Variants in PTH2R observed in about 807,000 individuals in gnomAD.
PTH2R encodes parathyroid hormone 2 receptor, also known as PTH2 receptor.
A neutral mutation model predicts 60.3 loss-of-function variants in PTH2R; 59 were observed. The observed-to-expected ratio is 0.98, with a 90% CI of 0.79 to 1.22. PTH2R has a LOEUF of 1.22. Among genes scored for constraint, PTH2R ranks in the 50% most tolerant of loss-of-function variants. The probability of loss-of-function intolerance (pLI) is 0.00; values close to 1 mark genes in which losing one functional copy is unlikely to be tolerated. For missense variants in PTH2R, 749 were observed against 682.6 expected, an observed-to-expected ratio of 1.10 and a Z score of -1.08; for synonymous variants, 256 against 243.8, an observed-to-expected ratio of 1.05 and a Z score of -0.47.
intron 4 of PTH2R, among the ~76,000 whole-genome samples, chr2:208,441,295 T>C (rs1037729571): frequency 5.3e-5 from 8 of 152,232 alleles, no homozygotes; most frequent in Non-Finnish European, 8.8e-5. Flanking sequence ...TGGAAGAGTC[T>C]GAAGTGCAGG....
intron 9 of PTH2R, among the ~76,000 whole-genome samples, chr2:208,467,771 A>G (rs546331891): frequency 2.0e-4 from 31 of 152,324 alleles, no homozygotes; most frequent in African/African-American, 7.0e-4. Flanking sequence ...TAGCATTTCA[A>G]AAAGATGGTT....
chr2:208,366,120 A>G (rs1197639471), intron 1 of PTH2R, among the ~76,000 whole-genome samples: 1 of 150,304 alleles, frequency 6.7e-6, no homozygotes, highest in East Asian at 1.9e-4. Context: ...ACGTCTGGCC[A>G]GTGTTAATTC....
chr2:208,422,076 G>T (rs895471878), intron 1 of PTH2R, among the ~76,000 whole-genome samples: 1 of 152,208 alleles, frequency 6.6e-6, no homozygotes, highest in African/African-American at 2.4e-5. Context: ...GTCCAAGTCT[G>T]AAGGTCGGAG....
At chr2:208,486,257 A>G (rs1317886488) in intron 10 of PTH2R, among the ~76,000 whole-genome samples, 1 of 152,252 alleles carries the variant, frequency 6.6e-6, no homozygotes, top group Non-Finnish European at 1.5e-5. Context: ...GAATATAATT[A>G]CTACCTGTTT....
intron 1 of PTH2R, among the ~76,000 whole-genome samples, chr2:208,419,099 A>G (rs1701700006): frequency 1.3e-5 from 2 of 152,184 alleles, no homozygotes; most frequent in Admixed American, 1.3e-4. Flanking sequence ...TCGCCATACC[A>G]ACTTCCACAA....
chr2:208,465,148 G>A (rs1181717479), intron 9 of PTH2R, among the ~76,000 whole-genome samples: 1 of 148,914 alleles, frequency 6.7e-6, no homozygotes, highest in East Asian at 2.1e-4. Flanking sequence ...GCTAATTTTT[G>A]TATTTTTTGT....
chr2:208,415,481 T>A (rs1288157120), intron 1 of PTH2R, among the ~76,000 whole-genome samples: 1 of 152,224 alleles, frequency 6.6e-6, no homozygotes, highest in African/African-American at 2.4e-5. Flanking sequence ...GTGCTACATG[T>A]ATTGCTCTAC....
At chr2:208,411,529 C>A (rs935720433) in intron 1 of PTH2R, among the ~76,000 whole-genome samples, 1 of 152,150 alleles carries the variant, frequency 6.6e-6, no homozygotes, top group South Asian at 2.1e-4. Context: ...CTCTTCCTTG[C>A]CAATGCACAG....
chr2:208,460,943 G>A (rs1702621318), intron 9 of PTH2R, among the ~76,000 whole-genome samples: 1 of 151,990 alleles, frequency 6.6e-6, no homozygotes. Flanking sequence ...TTTGTCAGAA[G>A]GGCAGCTATT....
At chr2:208,423,190 T>C (rs1267583210) in intron 1 of PTH2R, among the ~76,000 whole-genome samples, 1 of 152,142 alleles carries the variant, frequency 6.6e-6, no homozygotes, top group African/African-American at 2.4e-5. Flanking sequence ...ATATTACTGA[T>C]GCAAAACTTT....
chr2:208,484,243 C>T (rs1012493594), intron 10 of PTH2R, among the ~76,000 whole-genome samples: 3 of 152,182 alleles, frequency 2.0e-5, no homozygotes, highest in African/African-American at 7.2e-5. Flanking sequence ...TGTGCTCACA[C>T]ACAAATAAGA....
At chr2:208,359,911 G>C (rs111570434) in exon 1 of PTH2R, 12 of 224,282 alleles carry the variant, frequency 5.4e-5, no homozygotes, top group East Asian at 1.3e-4. Context: ...CAGGGAGACC[G>C]GGAGGTGGCA....
chr2:208,489,661 T>C (rs978365416), intron 11 of PTH2R, among the ~76,000 whole-genome samples: 8 of 152,184 alleles, frequency 5.3e-5, no homozygotes, highest in Non-Finnish European at 1.0e-4. Context: ...CTGGAGAATC[T>C]TAAGAATATA....
intron 9 of PTH2R, among the ~76,000 whole-genome samples, chr2:208,480,715 T>A (rs1703127301): frequency 6.6e-6 from 1 of 152,224 alleles, no homozygotes; most frequent in Non-Finnish European, 1.5e-5. Context: ...GAGAAGTAGC[T>A]GAGAATTCAT....
upstream of PTH2R, among the ~76,000 whole-genome samples, chr2:208,402,458 T>A (rs1701327093): frequency 6.6e-6 from 1 of 152,242 alleles, no homozygotes; most frequent in Non-Finnish European, 1.5e-5. Flanking sequence ...AAGTACCTAG[T>A]ATAAATTGCT....
intron 10 of PTH2R, among the ~76,000 whole-genome samples, chr2:208,481,457 T>A (rs1703151256): frequency 6.6e-6 from 1 of 152,104 alleles, no homozygotes; most frequent in Non-Finnish European, 1.5e-5. Flanking sequence ...GTGATCTGCC[T>A]GCCTTGGCCT....
rs73983783 is a variant in PTH2R at position 208,464,036 on chromosome 2, G to A, written c.981+4075G>A. Among the ~76,000 whole-genome samples the A allele has an allele frequency of 3.6e-3, 551 of 152,324 alleles. 3 individuals are homozygous for A. Among genetic ancestry groups the A allele is most frequent in the African/African-American group, 0.012 (514 of 41,560 alleles). The stretch of plus-strand genomic sequence containing the variant: ...TAATTATTAACTCTTGTTGGTAGGA[G>A]TAGAGCTTATTTTTACCCTTTTGTT... On this transcript the variant is annotated intron_variant, in intron 9 of 12. Transcript: ENST00000272847.
Position 208,395,049 on chromosome 2 carries a change from T to C in PTH2R, c.-258-33152T>C, listed in dbSNP as rs1701180658. On this transcript the variant is annotated intron_variant, in intron 1 of 12. Transcript: ENST00000617735. The stretch of plus-strand genomic sequence containing the variant: ...AGGCCTAGAGTCTGATTTCTTTTCT[T>C]TTTTATTTTTTTTTTTGAGATGGAG... Among the ~76,000 whole-genome samples the C allele has an allele frequency of 2.0e-5, 3 of 151,786 alleles. No homozygotes were observed. In the South Asian group the frequency reaches 6.2e-4, roughly 31 times the overall value.
chr2:208,431,037 T>C (rs1016339968), intron 2 of PTH2R, among the ~76,000 whole-genome samples: 1 of 152,168 alleles, frequency 6.6e-6, no homozygotes, highest in African/African-American at 2.4e-5. Context: ...TTCTCTCATC[T>C]CCTTCTGGAA....
Sources: gnomAD v4.1 joint callset for allele counts (sites outside exome capture counted in the v4.1 genomes callset) on GRCh38, gnomAD v4.1.1 for gene constraint, MANE v1.5 for transcripts, NCBI Gene and HGNC (gene_info 2026-07-23, HGNC 2026-07-21) for gene names.